The following ADAMTS10 variants were observed in gnomAD, a reference collection of about 807,000 sequenced individuals.
ADAMTS10 encodes the protein ADAM metallopeptidase with thrombospondin type 1 motif 10.
ADAMTS10 carries 48 observed loss-of-function variants against 135.9 expected under a neutral mutation model. The ratio of observed to expected loss-of-function variants is 0.35; its 90% CI spans 0.28 to 0.45. The LOEUF (loss-of-function observed/expected upper bound fraction) is 0.45, where lower values mean the gene tolerates loss of function less well. Among genes scored for constraint, ADAMTS10 ranks in the 20% least tolerant of loss-of-function variants. The pLI is 1.00. For synonymous variants in ADAMTS10, 621 were observed against 647.5 expected (o/e 0.96, Z 0.62); for missense variants, 1,131 against 1,565.2 (o/e 0.72, Z 4.68).
At chr19:8,585,345 G>T (rs1555736722) in intron 23 of ADAMTS10, 37 bp from the exon 24 acceptor site, 1 of 1,534,054 alleles carries the variant, frequency 6.5e-7, no homozygotes, top group Non-Finnish European at 8.7e-7. Context: ...TCAGGGTGCT[G>T]CCCCAGTGCG....
chr19:8,593,142 C>A, intron 12 of ADAMTS10: 1 of 534,344 alleles, frequency 1.9e-6, no homozygotes, highest in Non-Finnish European at 3.4e-6. Context: ...GGGAGAAAAC[C>A]AAGCTTCAGA....
At chr19:8,598,863 C>CCATGCTCTGCTAATTTTTAAATGTTT (rs2042633997) in intron 6 of ADAMTS10, among the ~76,000 whole-genome samples, 2 of 152,090 alleles carry the variant, frequency 1.3e-5, no homozygotes, top group African/African-American at 4.8e-5. Flanking sequence ...GCGTGAGCCA[C>CCATGCTCTGCTAATTTTTAAATGTTT]TGCACCGGGC....
intron 15 of ADAMTS10, among the ~76,000 whole-genome samples, chr19:8,590,448 A>AATAT (rs1555738655): frequency 1.4e-5 from 2 of 141,962 alleles, no homozygotes; most frequent in African/African-American, 5.3e-5. Context: ...TAATTTTTGC[A>AATAT]TTATTTATTT....
chr19:8,601,180 T>C lies in ADAMTS10; in HGVS notation c.593-35A>G. ...CCAGTAGAGCAATTAAGCCCTGCCC[T>C]GCTGGTGGGACGCAGAGCTGCCTGA... On this transcript the variant is annotated intron_variant, in intron 5 of 25. Transcript: ENST00000597188. The surrounding 1 kb of genome is among the most constrained non-coding windows in gnomAD (Gnocchi z 4.6). The C allele has an allele frequency of 6.2e-7, 1 of 1,606,948 alleles. No individual in the cohort carries two copies. The highest frequency in any genetic ancestry group is 8.5e-7 in the Non-Finnish European group (1 of 1,178,202).
Position 8,597,067 on chromosome 19 carries a change from G to T in ADAMTS10, c.960C>A (p.Ser320=), listed in dbSNP as rs150725480. The T allele has an allele frequency of 1.9e-6, 3 of 1,614,058 alleles. No individual in the cohort carries two copies. The African/African-American group carries it at 4.0e-5, about 22-fold the overall frequency. The change falls in exon 8 of 26, where the codon TCC becomes TCA. Residue 320 remains serine, a synonymous_variant. Coordinates refer to ENST00000597188, the MANE Select transcript of ADAMTS10 (RefSeq NM_030957.4). ...SLDSFCKWQK[S]IVNHSGHGNA... Reference sequence around the variant, plus strand: ...TGCCATGGCCGCTGTGGTTCACGATGGATTTCTGCCACTTACAGAAGCTGT... The same window carrying T: ...TGCCATGGCCGCTGTGGTTCACGATTGATTTCTGCCACTTACAGAAGCTGT...
intron 12 of ADAMTS10, 65 bp downstream of exon 12, chr19:8,595,697 T>G: frequency 8.4e-6 from 11 of 1,305,298 alleles, no homozygotes; most frequent in African/African-American, 1.5e-5. Flanking sequence ...CCTGGTGGAG[T>G]TCCCTCCCCC....
intron 25 of ADAMTS10, among the ~76,000 whole-genome samples, chr19:8,582,354 G>T (rs1312753124): frequency 7.2e-5 from 11 of 152,210 alleles, no homozygotes; most frequent in Admixed American, 2.6e-4. Context: ...TGTAGTCCCA[G>T]CTATTCAGGA....
intron 4 of ADAMTS10, among the ~76,000 whole-genome samples, chr19:8,604,141 C>A (rs1295738033): frequency 6.6e-6 from 1 of 151,832 alleles, no homozygotes; most frequent in Non-Finnish European, 1.5e-5. Flanking sequence ...TCCTCAACTT[C>A]CTGGGCTCAA....
Position 8,605,438 on chromosome 19 carries a change from A to C in ADAMTS10, c.89-80T>G. The C allele has an allele frequency of 6.7e-7, 1 of 1,493,816 alleles. No homozygotes were observed. The highest frequency in any genetic ancestry group is 9.1e-7 in the Non-Finnish European group (1 of 1,099,026). 92.5% of individuals were successfully genotyped at this position (1,493,816 alleles called of 1,614,324 possible). A position where few individuals can be genotyped will look rare whatever the true frequency, so the allele number is the denominator to read the frequency against. On this transcript the variant is annotated intron_variant, in intron 3 of 25. Coordinates refer to ENST00000597188, the MANE Select transcript of ADAMTS10 (RefSeq NM_030957.4). This position sits in a 1 kb window ranked among gnomAD's most constrained non-coding sequence, Gnocchi z 7.7. Reference sequence around the variant, plus strand: ...GTCCTGGCTGTTAGGCTGCTGGAGCAAGTGATGCTGGCCTCACTGACCCCC... The same window carrying C: ...GTCCTGGCTGTTAGGCTGCTGGAGCCAGTGATGCTGGCCTCACTGACCCCC...
intron 25 of ADAMTS10, among the ~76,000 whole-genome samples, chr19:8,582,072 A>G (rs955240070): frequency 2.0e-5 from 3 of 152,020 alleles, no homozygotes; most frequent in Non-Finnish European, 4.4e-5. Context: ...CCAATAAAAC[A>G]AAAGAAGACA....
chr19:8,593,725 G>A (rs915020329), intron 12 of ADAMTS10, among the ~76,000 whole-genome samples: 17 of 152,156 alleles, frequency 1.1e-4, no homozygotes, highest in East Asian at 1.9e-4. Flanking sequence ...ACCTCCCAGC[G>A]TCTTTCCTCT....
Position 8,603,900 on chromosome 19 carries a change from T to C in ADAMTS10, c.436-16A>G, listed in dbSNP as rs782242765. The stretch of plus-strand genomic sequence containing the variant: ...TCAGGCCGTGCTGGGTTTTGAGAAG[T>C]GGGATAGAAAGCTCTCAGGATCAGG... On this transcript the variant is annotated splice_polypyrimidine_tract_variant and intron_variant, in intron 4 of 25. Coordinates refer to ENST00000597188, the MANE Select transcript of ADAMTS10 (RefSeq NM_030957.4). The C allele has an allele frequency of 1.9e-6, 3 of 1,595,352 alleles. No homozygotes were observed. Among genetic ancestry groups the C allele is most frequent in the Non-Finnish European group, 1.7e-6 (2 of 1,167,242 alleles).
chr19:8,581,129 ACT>A (rs1491116994), intron 25 of ADAMTS10, 127 bp from the exon 26 acceptor site: 68 of 126,982 alleles, frequency 5.4e-4, no homozygotes, highest in East Asian at 2.9e-3. Flanking sequence ...TTTTAAATTT[ACT>A]TTTTTTTTTT....
intron 6 of ADAMTS10, among the ~76,000 whole-genome samples, chr19:8,599,167 CT>C (rs2042636862): frequency 6.6e-6 from 1 of 152,016 alleles, no homozygotes; most frequent in Admixed American, 6.6e-5. Context: ...AGAATCTCGC[CT>C]GAGATCTAGG....
chr19:8,605,402 T>C lies in ADAMTS10; in HGVS notation c.89-44A>G. The C allele has an allele frequency of 9.1e-6, 14 of 1,538,010 alleles. No homozygotes were observed. The highest frequency in any genetic ancestry group is 1.2e-5 in the Non-Finnish European group (14 of 1,133,586). Reference sequence around the variant, plus strand: ...GGCCTGGGGTGGGCCCTGGTCTTATTGGACCCCTGTGTCCTGGCTGTTAGG... The same window carrying C: ...GGCCTGGGGTGGGCCCTGGTCTTATCGGACCCCTGTGTCCTGGCTGTTAGG... On this transcript the variant is annotated intron_variant, in intron 3 of 25. Coordinates refer to ENST00000597188, the MANE Select transcript of ADAMTS10 (RefSeq NM_030957.4). This position sits in a 1 kb window ranked among gnomAD's most constrained non-coding sequence, Gnocchi z 7.7.
intron 25 of ADAMTS10, among the ~76,000 whole-genome samples, chr19:8,583,732 T>G (rs1461784664): frequency 2.0e-5 from 3 of 151,998 alleles, no homozygotes; most frequent in Admixed American, 2.0e-4. Flanking sequence ...GGCTCTTGCC[T>G]GTAGTCCTTG....
At position 8,580,773 on chromosome 19, in the gene ADAMTS10, T is replaced by C; in HGVS notation, c.*120A>G. The C allele has an allele frequency of 1.3e-6, 1 of 773,862 alleles. No homozygotes were observed. Among genetic ancestry groups the C allele is most frequent in the Non-Finnish European group, 2.1e-6 (1 of 472,076 alleles). 47.9% of individuals were successfully genotyped at this position (773,862 alleles called of 1,614,324 possible). On this transcript the variant is annotated 3_prime_UTR_variant, in exon 26 of 26. Coordinates refer to ENST00000597188, the MANE Select transcript of ADAMTS10 (RefSeq NM_030957.4). ...CTGCAGGGGTTCCCAATAAATAACT[T>C]CCGGCTCCGTCTCACCCTTCCCTCC...
intron 4 of ADAMTS10, among the ~76,000 whole-genome samples, chr19:8,604,396 G>A (rs1568406755): frequency 6.7e-6 from 1 of 148,794 alleles, no homozygotes; most frequent in Non-Finnish European, 1.5e-5. Context: ...TTATATATGT[G>A]TGTATGTGTA....
chr19:8,581,826 C>A (rs1357272126), intron 25 of ADAMTS10, among the ~76,000 whole-genome samples: 2 of 149,480 alleles, frequency 1.3e-5, no homozygotes, highest in African/African-American at 4.9e-5. Flanking sequence ...CAGAGCGAGA[C>A]TCTGTCACAA....
Sources: allele counts gnomAD v4.1 joint callset (sites outside exome capture counted in the v4.1 genomes callset), GRCh38; gene constraint gnomAD v4.1.1; non-coding constraint Gnocchi (gnomAD v3.1); transcripts MANE v1.5; gene names NCBI Gene and HGNC (gene_info 2026-07-23, HGNC 2026-07-21).